The following CCDC33 variants were observed in gnomAD, a reference collection of about 807,000 sequenced individuals.
CCDC33 encodes the protein coiled-coil domain-containing protein 33.
A neutral mutation model predicts 91.9 loss-of-function variants in CCDC33; 94 were observed. The observed-to-expected ratio is 1.02, with a 90% CI of 0.87 to 1.21. The LOEUF (loss-of-function observed/expected upper bound fraction) is 1.21, where lower values mean the gene tolerates loss of function less well. Ranked by LOEUF, CCDC33 falls within the 50% of genes most tolerant of loss-of-function variation. The probability of loss-of-function intolerance (pLI) is 0.00; values close to 1 mark genes in which losing one functional copy is unlikely to be tolerated. For synonymous variants in CCDC33, 396 were observed against 374.5 expected (o/e 1.06, Z -0.66); for missense variants, 940 against 935.5 (o/e 1.00, Z -0.06).
Position 74,331,224 on chromosome 15 carries a change from G to C in CCDC33, c.1699G>C (p.Val567Leu). 6.2e-7 allele frequency: 1 copy of C among 1,614,158 alleles called. No individual in the cohort carries two copies. Among genetic ancestry groups the C allele is most frequent in the Non-Finnish European group, 8.5e-7 (1 of 1,180,012 alleles). The part of the protein sequence containing the change: ...QEKVIEKMER[V>L]LEDRLQDRSK... ...CCAGGTGATCGAGAAGATGGAGCGG[G>C]TGCTGGAGGACAGGCTGCAGGACAG... is the stretch of plus-strand genomic sequence containing the variant. Residue 567 changes from valine to leucine, a missense_variant, in exon 15 of 19, where the codon GTG becomes CTG. Coordinates refer to ENST00000398814, the MANE Select transcript of CCDC33 (RefSeq NM_025055.5).
intron 18 of CCDC33, 160 bp from the exon 19 acceptor site, chr15:74,335,765 G>A (rs778475139): frequency 2.6e-5 from 17 of 643,196 alleles, no homozygotes; most frequent in South Asian, 3.7e-5. Context: ...GAGAAATTAG[G>A]TGTCACCTGC....
chr15:74,205,599 A>G (rs2074241639), intron 1 of CCDC33, among the ~76,000 whole-genome samples: 6 of 152,194 alleles, frequency 3.9e-5, no homozygotes, highest in Admixed American at 3.9e-4. Flanking sequence ...TCACATTTCA[A>G]CATGAGATTT....
At chr15:74,306,109 C>G (rs1439518022) in intron 11 of CCDC33, among the ~76,000 whole-genome samples, 1 of 152,164 alleles carries the variant, frequency 6.6e-6, no homozygotes, top group Non-Finnish European at 1.5e-5. Flanking sequence ...ACCCAGGCCT[C>G]TCCCTCTGAC....
At chr15:74,233,029 T>TA (rs1331755832), upstream of CCDC33, among the ~76,000 whole-genome samples, 4 of 152,218 alleles carry the variant, frequency 2.6e-5, no homozygotes, top group Admixed American at 1.3e-4. Flanking sequence ...CTTTCTCAGG[T>TA]AGCCCTTCAA....
At chr15:74,265,766 G>T (rs2076150608) in intron 3 of CCDC33, among the ~76,000 whole-genome samples, 1 of 152,264 alleles carries the variant, frequency 6.6e-6, no homozygotes, top group South Asian at 2.1e-4. Context: ...GCCCATGCCT[G>T]TAATCCCAGC....
At chr15:74,215,945 A>G (rs4887117), upstream of CCDC33, among the ~76,000 whole-genome samples, 148,618 of 151,596 alleles carry the variant, frequency 0.98, 72,910 homozygotes, top group East Asian at 1. Context: ...AAGGGAGAGC[A>G]AGGGGTATGT....
At chr15:74,221,466 T>A in intron 2 of CCDC33, 1 of 240,480 alleles carries the variant, frequency 4.2e-6, no homozygotes, top group Non-Finnish European at 6.7e-6. Flanking sequence ...TAAATGGCCC[T>A]GCCAATGCTG....
chr15:74,226,915 G>T (rs1365976210), intron 2 of CCDC33, among the ~76,000 whole-genome samples: 1 of 152,172 alleles, frequency 6.6e-6, no homozygotes, highest in African/African-American at 2.4e-5. Flanking sequence ...ACAGGAGGTG[G>T]AGAGAGCTGG....
At chr15:74,323,151 A>G (rs2142831968) in intron 11 of CCDC33, among the ~76,000 whole-genome samples, 1 of 151,688 alleles carries the variant, frequency 6.6e-6, no homozygotes, top group South Asian at 2.1e-4. Context: ...TCTCAACCTC[A>G]CTGTCCCCTC....
intron 11 of CCDC33, among the ~76,000 whole-genome samples, chr15:74,322,290 C>T (rs374651283): frequency 1.3e-4 from 20 of 152,354 alleles, no homozygotes; most frequent in African/African-American, 4.3e-4. Flanking sequence ...TCAGCTGGGA[C>T]GACCTACGGG....
chr15:74,223,089 G>T (rs1165181614), intron 2 of CCDC33, among the ~76,000 whole-genome samples: 1 of 152,082 alleles, frequency 6.6e-6, no homozygotes, highest in Non-Finnish European at 1.5e-5. Flanking sequence ...CAGCACGGGG[G>T]TGTGAGTGGG....
At chr15:74,285,793 AGAT>A (rs2059461612) in intron 10 of CCDC33, among the ~76,000 whole-genome samples, 1 of 152,216 alleles carries the variant, frequency 6.6e-6, no homozygotes, top group South Asian at 2.1e-4. Flanking sequence ...ATCTGCATTA[AGAT>A]GGCTTGTGTG....
intron 10 of CCDC33, 137 bp from the exon 11 acceptor site, chr15:74,295,617 G>A (rs1257451629): frequency 9.3e-6 from 6 of 643,578 alleles, no homozygotes. Flanking sequence ...CAGATGGTAG[G>A]AGGTGTGCAC....
At chr15:74,242,210 C>T (rs2075371163) in intron 1 of CCDC33, among the ~76,000 whole-genome samples, 1 of 152,244 alleles carries the variant, frequency 6.6e-6, no homozygotes, top group South Asian at 2.1e-4. Context: ...GTCCTCATCT[C>T]CCCACTGGGG....
At chr15:74,272,984 C>A in intron 7 of CCDC33, 93 bp downstream of exon 7, 1 of 1,507,968 alleles carries the variant, frequency 6.6e-7, no homozygotes, top group South Asian at 1.2e-5. Context: ...GTTCCCTTGA[C>A]TATCGAGTAA....
intron 10 of CCDC33, among the ~76,000 whole-genome samples, chr15:74,284,379 AAGGGATGGC>A (rs551515327): frequency 4.7e-4 from 71 of 152,286 alleles, no homozygotes; most frequent in African/African-American, 1.7e-3. Flanking sequence ...CCTTCTCCCT[AAGGGATGGC>A]AGGAAAGTGT....
chr15:74,295,883 T>G lies in CCDC33; in HGVS notation c.1225T>G (p.Leu409Val), dbSNP rs1567009944. ...SKDTVSSTMD[L>V]STSTPREAEE... ...GGACACAGTGAGCTCCACAATGGAC[T>G]TGAGCACGTCCACTCCACGAGAAGC... Residue 409 changes from leucine to valine, a missense_variant, in exon 11 of 19, where the codon TTG becomes GTG. Coordinates refer to ENST00000398814, the MANE Select transcript of CCDC33 (RefSeq NM_025055.5). 6.2e-7 allele frequency: 1 copy of G among 1,614,130 alleles called. No individual in the cohort carries two copies. The highest frequency in any genetic ancestry group is 1.7e-5 in the Admixed American group (1 of 60,022).
chr15:74,331,491 G>A (rs57530075), intron 15 of CCDC33, among the ~76,000 whole-genome samples, 195 bp downstream of exon 15: 9,181 of 152,208 alleles, frequency 0.06, 392 homozygotes, highest in East Asian at 0.19. Context: ...GATCCCCTGA[G>A]CTCCCTCCTT....
chr15:74,329,785 A>G (rs781280661), intron 11 of CCDC33, among the ~76,000 whole-genome samples: 1 of 152,180 alleles, frequency 6.6e-6, no homozygotes, highest in Non-Finnish European at 1.5e-5. Context: ...GACGTGAGGA[A>G]TGAGAGGAGT....
Sources: allele counts gnomAD v4.1 joint callset (sites outside exome capture counted in the v4.1 genomes callset), GRCh38; gene constraint gnomAD v4.1.1; transcripts MANE v1.5; gene names NCBI Gene and HGNC (gene_info 2026-07-23, HGNC 2026-07-21).